CCDC191: variants seen among roughly 807,000 people sequenced by gnomAD.
The protein encoded by CCDC191 is coiled-coil domain-containing protein 191.
Under a neutral mutation model 114.0 loss-of-function variants are expected in CCDC191, and 99 were observed. The ratio of observed to expected loss-of-function variants is 0.87; its 90% CI spans 0.74 to 1.03. The LOEUF is 1.03. Among genes scored for constraint, CCDC191 ranks in the 50% least tolerant of loss-of-function variants. The pLI is 0.00. For missense variants in CCDC191, 973 were observed against 1,087.0 expected (o/e 0.90, Z 1.47); for synonymous variants, 351 against 376.0 (o/e 0.93, Z 0.77).
intron 9 of CCDC191, among the ~76,000 whole-genome samples, chr3:114,007,733 C>T (rs1291572505): frequency 2.0e-5 from 3 of 151,940 alleles, no homozygotes; most frequent in Non-Finnish European, 4.4e-5. Flanking sequence ...GAGAAAATCA[C>T]CTATTAGCTA....
intron 4 of CCDC191, among the ~76,000 whole-genome samples, chr3:114,037,484 T>C (rs1374122585): frequency 6.6e-6 from 1 of 152,244 alleles, no homozygotes; most frequent in African/African-American, 2.4e-5. Context: ...TATCAATAGT[T>C]TATCACTTTC....
chr3:114,004,957 A>G (rs1049511051), intron 10 of CCDC191, among the ~76,000 whole-genome samples: 2 of 152,056 alleles, frequency 1.3e-5, no homozygotes, highest in East Asian at 3.9e-4. Context: ...AGGTACTGTG[A>G]CTCCCATCCT....
chr3:114,004,465 G>T, intron 11 of CCDC191, 172 bp downstream of exon 11: 2 of 1,208,910 alleles, frequency 1.7e-6, no homozygotes, highest in Non-Finnish European at 1.0e-6. Context: ...AAAAAGTAGT[G>T]GGGCTCTCTG....
intron 10 of CCDC191, 60 bp downstream of exon 10, chr3:114,005,445 CAGG>C: frequency 6.8e-7 from 1 of 1,470,348 alleles, no homozygotes. Flanking sequence ...CAAAGAAGCT[CAGG>C]AGCCCAAAGT....
chr3:114,042,741 G>T lies in CCDC191; in HGVS notation c.377C>A (p.Pro126Gln). The T allele has an allele frequency of 1.3e-6, 2 of 1,589,484 alleles. No homozygotes were observed. The highest frequency in any genetic ancestry group is 1.7e-6 in the Non-Finnish European group (2 of 1,171,502). Residue 126 changes from proline (P) to glutamine (Q), a missense_variant, in exon 4 of 17, where the codon CCG becomes CAG. By Grantham distance (76) the Pro-to-Gln change is moderately conservative. Coordinates refer to ENST00000295878, the MANE Select transcript of CCDC191 (RefSeq NM_020817.2). ...ATATTTCAAATGGCCATTGGCTTCCGGCATAATAGTGACACTTGACACAGT... is the reference window on the plus strand; with the variant it reads ...ATATTTCAAATGGCCATTGGCTTCCTGCATAATAGTGACACTTGACACAGT... ...KNTVSSVTIM[P>Q]EANGHLKYDK...
At chr3:114,038,752 A>C (rs1236066008) in intron 4 of CCDC191, among the ~76,000 whole-genome samples, 1 of 152,220 alleles carries the variant, frequency 6.6e-6, no homozygotes, top group Non-Finnish European at 1.5e-5. Context: ...TGGAGCTGGA[A>C]GCCATCATCC....
intron 11 of CCDC191, chr3:114,003,628 T>TA (rs1377292772): frequency 2.0e-6 from 2 of 985,072 alleles, no homozygotes; most frequent in African/African-American, 1.7e-5. Flanking sequence ...ACAATAATTT[T>TA]AAAAAAATAA....
chr3:114,044,767 T>A (rs1057401279), intron 3 of CCDC191, among the ~76,000 whole-genome samples: 3 of 152,214 alleles, frequency 2.0e-5, no homozygotes, highest in African/African-American at 7.2e-5. Flanking sequence ...AATGGGGATT[T>A]ACTGTGAAGT....
intron 4 of CCDC191, among the ~76,000 whole-genome samples, chr3:114,041,076 T>C (rs1181539109): frequency 6.6e-6 from 1 of 151,382 alleles, no homozygotes; most frequent in Non-Finnish European, 1.5e-5. Flanking sequence ...GGCATGGCAC[T>C]AGATGATATC....
At chr3:113,967,016 T>C (rs1362943969) in intron 16 of CCDC191, among the ~76,000 whole-genome samples, 1 of 152,106 alleles carries the variant, frequency 6.6e-6, no homozygotes, top group Non-Finnish European at 1.5e-5. Flanking sequence ...CGAGAATCAC[T>C]TGAACCTGGG....
Position 114,019,564 on chromosome 3 carries a change from A to G in CCDC191, c.973-696T>C, listed in dbSNP as rs575088741. On this transcript the variant is annotated intron_variant, in intron 7 of 16. Transcript: ENST00000295878. ...AATCACTGAGACCTAGTCCTTGCTT[A>G]TATCTTCTCTCTTTTCAGCAAACTT... Among the ~76,000 whole-genome samples the G allele has an allele frequency of 3.9e-5, 6 of 152,258 alleles. No homozygotes were observed. The South Asian group carries it at 1.2e-3, about 32-fold the overall frequency.
intron 16 of CCDC191, among the ~76,000 whole-genome samples, chr3:113,966,802 TTTAA>T (rs1940220731): frequency 6.6e-6 from 1 of 151,950 alleles, no homozygotes; most frequent in East Asian, 1.9e-4. Context: ...GAGGTACTGC[TTTAA>T]AAAAAGGCAT....
At chr3:114,003,137 G>C in intron 11 of CCDC191, 4 of 985,420 alleles carry the variant, frequency 4.1e-6, no homozygotes, top group Non-Finnish European at 4.8e-6. Flanking sequence ...ATGAATTTGA[G>C]TGTCAGACTC....
At chr3:114,025,267 A>C (rs2076304051) in intron 7 of CCDC191, among the ~76,000 whole-genome samples, 1 of 151,750 alleles carries the variant, frequency 6.6e-6, no homozygotes, top group African/African-American at 2.4e-5. Flanking sequence ...ACCAAAAAAA[A>C]AAAAAACAAA....
intron 16 of CCDC191, among the ~76,000 whole-genome samples, chr3:113,977,319 T>C (rs1403904636): frequency 6.6e-6 from 1 of 152,028 alleles, no homozygotes; most frequent in Non-Finnish European, 1.5e-5. Flanking sequence ...CACAACAGTC[T>C]TCATACCTCA....
At chr3:113,966,439 G>A (rs1344736731) in intron 16 of CCDC191, among the ~76,000 whole-genome samples, 1 of 152,160 alleles carries the variant, frequency 6.6e-6, no homozygotes, top group Non-Finnish European at 1.5e-5. Flanking sequence ...CAGTGGGAAG[G>A]TACAGCAGTG....
chr3:114,004,956 GACT>G (rs1244891960), intron 10 of CCDC191, among the ~76,000 whole-genome samples: 1 of 152,156 alleles, frequency 6.6e-6, no homozygotes, highest in African/African-American at 2.4e-5. Context: ...CAGGTACTGT[GACT>G]CCCATCCTAA....
chr3:114,014,563 G>A (rs965198489), intron 8 of CCDC191, among the ~76,000 whole-genome samples: 10 of 152,120 alleles, frequency 6.6e-5, no homozygotes, highest in African/African-American at 1.9e-4. Context: ...TGAGCCTGGC[G>A]GGTTCACCCT....
chr3:113,978,595 G>A (rs2075022445), intron 15 of CCDC191: 1 of 580,048 alleles, frequency 1.7e-6, no homozygotes, highest in African/African-American at 1.9e-5. Flanking sequence ...CAAGAAACAA[G>A]AAATGACTAT....
Sources: allele counts gnomAD v4.1 joint callset (sites outside exome capture counted in the v4.1 genomes callset), GRCh38; gene constraint gnomAD v4.1.1; transcripts MANE v1.5; gene names NCBI Gene and HGNC (gene_info 2026-07-23, HGNC 2026-07-21).